CD1B: variants seen among roughly 807,000 people sequenced by gnomAD.
CD1B encodes the protein CD1b molecule, also known as T-cell surface glycoprotein CD1b.
A neutral mutation model predicts 39.8 loss-of-function variants in CD1B; 43 were observed. The observed-to-expected ratio is 1.08, with a 90% CI of 0.85 to 1.39. The LOEUF (loss-of-function observed/expected upper bound fraction) is 1.39, where lower values mean the gene tolerates loss of function less well. Among genes scored for constraint, CD1B ranks in the 40% most tolerant of loss-of-function variants. The pLI, the probability that CD1B is intolerant of heterozygous loss-of-function variation, is 0.00. For missense variants in CD1B, 495 were observed against 403.8 expected (o/e 1.23, Z -1.94); for synonymous variants, 192 against 152.5 (o/e 1.26, Z -1.91).
At chr1:158,316,153 T>C in the CD1B span, among the ~76,000 whole-genome samples, 2 of 152,000 alleles carry the variant, frequency 1.3e-5, no homozygotes, top group Non-Finnish European at 2.9e-5. Context: ...TCTTTTTTGG[T>C]TCCATATGAA....
chr1:158,311,093 G>A, the CD1B span, among the ~76,000 whole-genome samples: 1 of 152,034 alleles, frequency 6.6e-6, no homozygotes, highest in Non-Finnish European at 1.5e-5. Context: ...AAATCTATCT[G>A]GTCTTTAATG....
chr1:158,327,500 G>A (rs1652397544), downstream of CD1B, among the ~76,000 whole-genome samples: 1 of 152,102 alleles, frequency 6.6e-6, no homozygotes, highest in Non-Finnish European at 1.5e-5. Flanking sequence ...AAAAAAAAAT[G>A]GAAGAAAGTA....
Position 158,331,492 on chromosome 1 carries a change from C to T in CD1B, c.-69G>A. 2.4e-6 allele frequency: 3 copies of T among 1,269,188 alleles called. No individual in the cohort carries two copies. Among genetic ancestry groups the T allele is most frequent in the Admixed American group, 3.6e-5 (2 of 55,554 alleles). 78.6% of individuals were successfully genotyped at this position (1,269,188 alleles called of 1,614,324 possible). ...ATCTCCAATTTCAGCAAAGCTTTTC[C>T]TCAGTACCCTGTAGTGACTTCTTCT... On this transcript the variant is annotated 5_prime_UTR_variant, in exon 1 of 6. Coordinates refer to ENST00000368168, the MANE Select transcript of CD1B (RefSeq NM_001764.3).
At chr1:158,300,576 G>A in the CD1B span, among the ~76,000 whole-genome samples, 1 of 152,156 alleles carries the variant, frequency 6.6e-6, no homozygotes, top group East Asian at 1.9e-4. Context: ...TATTGACAAT[G>A]GAATGTTAAA....
the CD1B span, among the ~76,000 whole-genome samples, chr1:158,314,262 T>C: frequency 3.9e-5 from 6 of 152,132 alleles, no homozygotes; most frequent in Admixed American, 3.9e-4. Context: ...TTTTTGTATT[T>C]TTAGTAGAGA....
chr1:158,293,857 A>G, the CD1B span, among the ~76,000 whole-genome samples: 2 of 152,194 alleles, frequency 1.3e-5, no homozygotes, highest in Non-Finnish European at 2.9e-5. Flanking sequence ...CCTTTCCTGC[A>G]TATGATAGGC....
chr1:158,328,948 C>A lies in CD1B; in HGVS notation c.953G>T (p.Cys318Phe). Residue 318 changes from cysteine to phenylalanine, a missense_variant, in exon 5 of 6, where the codon TGC (cysteine) becomes TTC (phenylalanine). Coordinates refer to ENST00000368168, the MANE Select transcript of CD1B (RefSeq NM_001764.3). ...GCGCCTCATATACCATAATGCAAGG[C>A]ATAGCAAAAGGAGCAAGGAAGGCAC... ...IIVPSLLLLL[C>F]LALWYMRRRS... The A allele has an allele frequency of 1.2e-6, 2 of 1,613,148 alleles. No homozygotes were observed. The highest frequency in any genetic ancestry group is 2.2e-5 in the East Asian group (1 of 44,856).
the CD1B span, among the ~76,000 whole-genome samples, chr1:158,313,323 T>C: frequency 6.6e-6 from 1 of 152,294 alleles, no homozygotes; most frequent in East Asian, 1.9e-4. Context: ...TTTATTTTAT[T>C]TTTTTGAGAA....
the CD1B span, among the ~76,000 whole-genome samples, chr1:158,290,472 C>T: frequency 6.6e-6 from 1 of 152,032 alleles, no homozygotes. Flanking sequence ...TTCAATGCCA[C>T]GCACCACTTT....
chr1:158,288,607 G>T, the CD1B span, among the ~76,000 whole-genome samples: 3 of 152,136 alleles, frequency 2.0e-5, no homozygotes, highest in African/African-American at 4.8e-5. Context: ...TGCCCAGGCT[G>T]GTCTCAAACT....
At chr1:158,308,104 A>C in the CD1B span, among the ~76,000 whole-genome samples, 2 of 152,152 alleles carry the variant, frequency 1.3e-5, no homozygotes, top group African/African-American at 4.8e-5. Context: ...TCAGCCCCAA[A>C]TCTCCTTAAG....
chr1:158,317,752 G>C, the CD1B span, among the ~76,000 whole-genome samples: 3 of 152,152 alleles, frequency 2.0e-5, no homozygotes, highest in Non-Finnish European at 4.4e-5. Flanking sequence ...TAACTGTGAT[G>C]TTAGGATGTC....
chr1:158,318,341 G>C, the CD1B span, among the ~76,000 whole-genome samples: 1 of 152,130 alleles, frequency 6.6e-6, no homozygotes, highest in African/African-American at 2.4e-5. Context: ...ATGGATCTGG[G>C]TGCTCCTGTA....
downstream of CD1B, among the ~76,000 whole-genome samples, chr1:158,325,040 C>A (rs1029607966): frequency 2.6e-5 from 4 of 152,076 alleles, no homozygotes; most frequent in African/African-American, 9.7e-5. Flanking sequence ...CATTCATTCT[C>A]TTGAGAACGG....
At chr1:158,303,090 A>C in the CD1B span, among the ~76,000 whole-genome samples, 2 of 152,210 alleles carry the variant, frequency 1.3e-5, no homozygotes, top group South Asian at 2.1e-4. Context: ...TGCTATTATC[A>C]AATGGGCTTC....
downstream of CD1B, among the ~76,000 whole-genome samples, chr1:158,326,313 G>T (rs1377272651): frequency 6.6e-6 from 1 of 152,114 alleles, no homozygotes; most frequent in African/African-American, 2.4e-5. Flanking sequence ...GAACAAAGGG[G>T]CATGTTAAAT....
the CD1B span, among the ~76,000 whole-genome samples, chr1:158,317,901 T>G: frequency 6.6e-6 from 1 of 152,372 alleles, no homozygotes; most frequent in East Asian, 1.9e-4. Context: ...TCTTTATTTC[T>G]GCCTTCATTT....
chr1:158,323,782 G>A (rs925528011), downstream of CD1B, among the ~76,000 whole-genome samples: 8 of 152,134 alleles, frequency 5.3e-5, no homozygotes, highest in East Asian at 1.3e-3. Flanking sequence ...GTAGAAGGAC[G>A]TGGTGAAGAC....
chr1:158,311,762 C>T, the CD1B span, among the ~76,000 whole-genome samples: 3 of 152,004 alleles, frequency 2.0e-5, no homozygotes, highest in Admixed American at 6.6e-5. Flanking sequence ...CTGTTCTGTC[C>T]CCAATGTGTG....
Sources: allele counts gnomAD v4.1 joint callset (sites outside exome capture counted in the v4.1 genomes callset), GRCh38; gene constraint gnomAD v4.1.1; transcripts MANE v1.5; gene names NCBI Gene and HGNC (gene_info 2026-07-23, HGNC 2026-07-21).